The following ZFAT variants were observed in gnomAD, a reference collection of about 807,000 sequenced individuals.
ZFAT encodes zinc finger and AT-hook domain containing.
A neutral mutation model predicts 117.7 loss-of-function variants in ZFAT; 64 were observed. The observed-to-expected ratio is 0.54, with a 90% CI of 0.44 to 0.67. The LOEUF is 0.67. Among genes scored for constraint, ZFAT ranks in the 30% least tolerant of loss-of-function variants. The probability of loss-of-function intolerance (pLI) is 0.00; values close to 1 mark genes in which losing one functional copy is unlikely to be tolerated. For missense variants in ZFAT, 1,433 were observed against 1,584.5 expected, an observed-to-expected ratio of 0.90 and a Z score of 1.62; for synonymous variants, 679 against 615.0, an observed-to-expected ratio of 1.10 and a Z score of -1.54.
intron 12 of ZFAT, among the ~76,000 whole-genome samples, chr8:134,528,814 T>C (rs1183500095): frequency 1.3e-5 from 2 of 152,204 alleles, no homozygotes; most frequent in African/African-American, 4.8e-5. Context: ...CTAGCCCTGG[T>C]CCGCAACCTG....
intron 12 of ZFAT, 58 bp downstream of exon 12, chr8:134,532,775 TG>T: frequency 2.5e-6 from 4 of 1,586,670 alleles, no homozygotes; most frequent in South Asian, 1.1e-5. Context: ...CTCTTCCCAA[TG>T]GGGGACTTGG....
chr8:134,672,990 T>G (rs1832631480), intron 1 of ZFAT: 1 of 152,190 alleles, frequency 6.6e-6, no homozygotes, highest in Non-Finnish European at 1.5e-5. Flanking sequence ...ATTTTCCTCT[T>G]AAGTCTTCTA....
At chr8:134,538,787 A>T (rs529931648) in intron 11 of ZFAT, among the ~76,000 whole-genome samples, 22 of 129,230 alleles carry the variant, frequency 1.7e-4, no homozygotes, top group African/African-American at 6.0e-4. Context: ...ACAAAGTGAG[A>T]CCCTGTCACA....
the ZFAT span, among the ~76,000 whole-genome samples, chr8:134,816,044 G>C: frequency 6.6e-6 from 1 of 152,176 alleles, no homozygotes; most frequent in African/African-American, 2.4e-5. Context: ...CATATAGTGA[G>C]TGTCAAATAT....
chr8:134,551,218 A>G lies in ZFAT; in HGVS notation c.2976+14115T>C, dbSNP rs1823143375. On this transcript the variant is annotated intron_variant, in intron 11 of 15. Coordinates refer to ENST00000377838, the MANE Select transcript of ZFAT (RefSeq NM_020863.4). ...AGAGAGTAGTTTTCACTACAGAGAC[A>G]TGGATCAAAATCCCAACTCTAGCTC... is the stretch of plus-strand genomic sequence containing the variant. Among the ~76,000 whole-genome samples the G allele has an allele frequency of 2.0e-5, 3 of 152,230 alleles. No homozygotes were observed. In the South Asian group the frequency reaches 6.2e-4, roughly 32 times the overall value.
chr8:134,724,003 A>G, the ZFAT span: 1 of 152,402 alleles, frequency 6.6e-6, no homozygotes, highest in Admixed American at 6.5e-5. Context: ...CTACGTGGAC[A>G]AAAACCTACG....
At chr8:134,487,622 C>G (rs942866731) in intron 15 of ZFAT, among the ~76,000 whole-genome samples, 1 of 152,244 alleles carries the variant, frequency 6.6e-6, no homozygotes, top group Admixed American at 6.5e-5. Context: ...CTCCTTCCCC[C>G]ACACTCAATT....
chr8:134,546,048 T>C (rs1344642369), intron 11 of ZFAT, among the ~76,000 whole-genome samples: 2 of 152,206 alleles, frequency 1.3e-5, no homozygotes, highest in Non-Finnish European at 2.9e-5. Context: ...CTGGTAGTTA[T>C]TACTAACATT....
At chr8:134,521,398 T>C (rs1820644561) in intron 12 of ZFAT, among the ~76,000 whole-genome samples, 1 of 152,212 alleles carries the variant, frequency 6.6e-6, no homozygotes, top group African/African-American at 2.4e-5. Flanking sequence ...GAGTGTCTGC[T>C]TTTCTTAATC....
chr8:134,784,550 T>C, the ZFAT span: 1 of 152,146 alleles, frequency 6.6e-6, no homozygotes, highest in South Asian at 2.1e-4. Context: ...GTATAGATAC[T>C]AGATTTAAGC....
intron 3 of ZFAT, among the ~76,000 whole-genome samples, chr8:134,627,501 G>A (rs1829596218): frequency 6.6e-6 from 1 of 152,192 alleles, no homozygotes; most frequent in Admixed American, 6.5e-5. Flanking sequence ...AGGAGAGCAG[G>A]AGGAAAAAGA....
In ZFAT at chr8:134,588,359, C is replaced by A; in HGVS notation, c.2600G>T (p.Arg867Met). Residue 867 changes from arginine (R) to methionine (M), a missense_variant, in exon 9 of 16, where the codon AGG becomes ATG. Arg to Met is a moderately conservative substitution (Grantham distance 91, BLOSUM62 -1). This residue lies in a region of ZFAT where 503 missense variants were observed against 543.4 expected (regional missense o/e 0.93). Coordinates refer to ENST00000377838, the MANE Select transcript of ZFAT (RefSeq NM_020863.4). ...AATTAGCCCTTTCAGCTGAACCCTC[C>A]TCCCGAGAACCTCAGAAATGGTGCT... ...SMSTISEVLGRRVQLKGLIGK... is the reference protein window; with the variant it reads ...SMSTISEVLGMRVQLKGLIGK... 1 of 1,593,570 alleles carries A rather than the reference C, an allele frequency of 6.3e-7. No homozygotes were observed. The highest frequency in any genetic ancestry group is 2.3e-5 in the East Asian group (1 of 44,116).
chr8:134,724,030 T>C, the ZFAT span: 2 of 152,380 alleles, frequency 1.3e-5, no homozygotes, highest in Admixed American at 6.5e-5. Flanking sequence ...CTTTTACACT[T>C]TAGAGCTAGA....
the ZFAT span, among the ~76,000 whole-genome samples, chr8:134,771,962 T>C: frequency 1.4e-4 from 21 of 152,116 alleles, no homozygotes; most frequent in African/African-American, 4.8e-4. Flanking sequence ...TTTAAACCCA[T>C]CAGACCTCAT....
chr8:134,629,845 T>C (rs72719790), intron 3 of ZFAT, among the ~76,000 whole-genome samples: 31,355 of 152,146 alleles, frequency 0.21, 3,356 homozygotes, highest in Middle Eastern at 0.23. Flanking sequence ...AACGGACTAA[T>C]ACACTGGCAA....
At chr8:134,523,373 C>A (rs1202831311) in intron 12 of ZFAT, among the ~76,000 whole-genome samples, 1 of 152,216 alleles carries the variant, frequency 6.6e-6, no homozygotes, top group Non-Finnish European at 1.5e-5. Context: ...GACTCCTGCC[C>A]CAAACTCCAG....
the ZFAT span, among the ~76,000 whole-genome samples, chr8:134,748,114 G>C: frequency 5.3e-5 from 8 of 152,308 alleles, no homozygotes; most frequent in African/African-American, 1.7e-4. Context: ...TATATGTACA[G>C]TTTAACATAT....
At chr8:134,765,863 G>A in the ZFAT span, 7 of 151,608 alleles carry the variant, frequency 4.6e-5, no homozygotes, top group Admixed American at 2.6e-4. Context: ...CTTACAGTGC[G>A]TAAGAAAAAT....
intron 1 of ZFAT, among the ~76,000 whole-genome samples, chr8:134,677,755 T>A (rs1832874771): frequency 6.6e-6 from 1 of 152,174 alleles, no homozygotes; most frequent in African/African-American, 2.4e-5. Context: ...TCCACCACGA[T>A]TAAGTTGGCC....
Sources: allele counts gnomAD v4.1 joint callset (sites outside exome capture counted in the v4.1 genomes callset), GRCh38; gene constraint gnomAD v4.1.1; regional missense constraint gnomAD v4.1.1; transcripts MANE v1.5; gene names NCBI Gene and HGNC (gene_info 2026-07-23, HGNC 2026-07-21).